Variants in TSHZ2 observed in about 807,000 individuals in gnomAD.
The protein encoded by TSHZ2 is teashirt homolog 2.
Under a neutral mutation model 74.4 loss-of-function variants are expected in TSHZ2, and 21 were observed. The observed-to-expected ratio is 0.28, with a 90% CI of 0.20 to 0.41. The LOEUF (loss-of-function observed/expected upper bound fraction) is 0.41. Ranked by LOEUF, TSHZ2 falls within the 10% of genes least tolerant of loss-of-function variation. The probability of loss-of-function intolerance (pLI) is 1.00; values close to 1 mark genes in which losing one functional copy is unlikely to be tolerated. For missense variants in TSHZ2, 1,244 were observed against 1,293.5 expected (o/e 0.96, Z 0.59); for synonymous variants, 540 against 515.3 (o/e 1.05, Z -0.65).
At chr20:53,332,948 A>T (rs529917704) in intron 2 of TSHZ2, among the ~76,000 whole-genome samples, 5 of 152,160 alleles carry the variant, frequency 3.3e-5, no homozygotes, top group Admixed American at 3.3e-4. Flanking sequence ...ACAGGCCGAG[A>T]TCCTTCCTTC....
rs1415289498 is a variant in TSHZ2, at chr20:53,365,743, A to G, written c.*8+109172A>G. On this transcript the variant is annotated intron_variant, in intron 2 of 2. Transcript: ENST00000371497. ...TTCCCTGCTCTTCTCAGCCAAATCC[A>G]CCCATCTCACTACTTCCAAACCTTG... Among the ~76,000 whole-genome samples, 4 of 152,046 alleles carry G rather than the reference A, an allele frequency of 2.6e-5. No individual in the cohort carries two copies. The East Asian group carries it at 7.7e-4, about 29-fold the overall frequency.
Position 53,254,029 on chromosome 20 carries a change from C to G in TSHZ2, c.571C>G (p.Leu191Val), listed in dbSNP as rs777692951. Residue 191 changes from leucine (L) to valine (V), a missense_variant, in exon 2 of 3, where the codon CTG (leucine) becomes GTG (valine). Leu to Val is a conservative substitution (Grantham distance 32). Coordinates refer to ENST00000371497, the MANE Select transcript of TSHZ2 (RefSeq NM_173485.6). ...TTCTCGGTCCGTCTCGAAACCCAGC[C>G]TGTTCAGCTCGGTGCAGTTGTACCG... Reference protein sequence around the residue: ...LPSRSVSKPSLFSSVQLYRQS... With the variant: ...LPSRSVSKPSVFSSVQLYRQS... The G allele has an allele frequency of 6.2e-7, 1 of 1,614,168 alleles. No homozygotes were observed. Among genetic ancestry groups the G allele is most frequent in the African/African-American group, 1.3e-5 (1 of 75,048 alleles).
chr20:53,462,108 G>C (rs1985394449), intron 2 of TSHZ2, among the ~76,000 whole-genome samples: 1 of 151,994 alleles, frequency 6.6e-6, no homozygotes, highest in South Asian at 2.1e-4. Context: ...AAAAAAACTA[G>C]CAGGGCATGG....
At chr20:53,464,348 C>T (rs778905106) in intron 2 of TSHZ2, among the ~76,000 whole-genome samples, 5 of 152,116 alleles carry the variant, frequency 3.3e-5, no homozygotes, top group African/African-American at 4.8e-5. Context: ...TTTCTGACAA[C>T]GAGCTCTTTA....
chr20:53,079,680 G>A (rs796370184), intron 1 of TSHZ2, among the ~76,000 whole-genome samples: 12 of 152,228 alleles, frequency 7.9e-5, no homozygotes, highest in African/African-American at 2.6e-4. Context: ...GTAATAAAAC[G>A]ATAATAACTC....
intron 1 of TSHZ2, among the ~76,000 whole-genome samples, chr20:53,046,156 G>T (rs568226152): frequency 3.2e-4 from 49 of 152,252 alleles, no homozygotes; most frequent in African/African-American, 1.2e-3. Flanking sequence ...GGCAAGAGGG[G>T]AGACACGAAG....
chr20:53,296,004 G>A (rs1214115288), intron 2 of TSHZ2, among the ~76,000 whole-genome samples: 3 of 142,704 alleles, frequency 2.1e-5, no homozygotes, highest in Non-Finnish European at 3.0e-5. Flanking sequence ...GAAGTTGAAG[G>A]ATTCATTACT....
At chr20:53,104,367 T>C (rs1195625723) in intron 1 of TSHZ2, among the ~76,000 whole-genome samples, 1 of 152,130 alleles carries the variant, frequency 6.6e-6, no homozygotes, top group Non-Finnish European at 1.5e-5. Flanking sequence ...TTAGAGGCCA[T>C]TTAGGCTGCT....
intron 1 of TSHZ2, among the ~76,000 whole-genome samples, chr20:53,243,257 A>G (rs1200006944): frequency 6.6e-6 from 1 of 152,132 alleles, no homozygotes; most frequent in African/African-American, 2.4e-5. Flanking sequence ...CAAGGAGAAG[A>G]ATTTTCGCTT....
intron 2 of TSHZ2, among the ~76,000 whole-genome samples, chr20:53,415,949 C>G (rs11905946): frequency 0.024 from 3,711 of 152,184 alleles, 149 homozygotes; most frequent in African/African-American, 0.084. Flanking sequence ...TAAATAATGC[C>G]TGTGTATAGA....
chr20:53,111,753 A>G (rs1156460644), intron 1 of TSHZ2, among the ~76,000 whole-genome samples: 1 of 152,178 alleles, frequency 6.6e-6, no homozygotes, highest in African/African-American at 2.4e-5. Flanking sequence ...CCAGTGCAAA[A>G]TGGAAATGCA....
At chr20:53,042,997 G>C (rs1984099394) in intron 1 of TSHZ2, among the ~76,000 whole-genome samples, 1 of 152,228 alleles carries the variant, frequency 6.6e-6, no homozygotes, top group Admixed American at 6.5e-5. Flanking sequence ...CAGTGTCACT[G>C]TTTCTTAAAG....
chr20:53,401,774 CTTTT>C (rs59656180), intron 2 of TSHZ2, among the ~76,000 whole-genome samples: 4 of 94,866 alleles, frequency 4.2e-5, no homozygotes, highest in Non-Finnish European at 7.9e-5. Context: ...AACACATTTT[CTTTT>C]TTTTTTTTTT....
intron 1 of TSHZ2, among the ~76,000 whole-genome samples, chr20:53,235,910 C>T (rs1194949336): frequency 6.6e-6 from 1 of 152,178 alleles, no homozygotes; most frequent in Non-Finnish European, 1.5e-5. Flanking sequence ...GATTAGTTCA[C>T]TCCTGATTGG....
intron 2 of TSHZ2, among the ~76,000 whole-genome samples, chr20:53,321,697 A>AAAAAAAAAAAAAAG (rs1555850300): frequency 1.0e-3 from 144 of 140,506 alleles, no homozygotes; most frequent in East Asian, 2.8e-3. Context: ...AAAAAAAAAA[A>AAAAAAAAAAAAAAG]AAAGAAAGAC....
At chr20:52,986,617 TA>T (rs1370621381) in intron 1 of TSHZ2, among the ~76,000 whole-genome samples, 1 of 150,974 alleles carries the variant, frequency 6.6e-6, no homozygotes, top group African/African-American at 2.4e-5. Context: ...TAATCCCAGC[TA>T]CTCCGGAAGC....
chr20:53,190,618 T>C (rs1479121925), intron 1 of TSHZ2, among the ~76,000 whole-genome samples: 3 of 152,218 alleles, frequency 2.0e-5, no homozygotes. Context: ...CGCAGCTTGT[T>C]GTAAGGCAAG....
chr20:53,201,542 T>A (rs1295265188), intron 1 of TSHZ2, among the ~76,000 whole-genome samples: 1 of 152,194 alleles, frequency 6.6e-6, no homozygotes, highest in Admixed American at 6.5e-5. Flanking sequence ...TCCAGGATAA[T>A]CTCTTTATCT....
chr20:53,045,228 C>T (rs766487506), intron 1 of TSHZ2, among the ~76,000 whole-genome samples: 7 of 152,276 alleles, frequency 4.6e-5, no homozygotes, highest in Admixed American at 3.9e-4. Flanking sequence ...AAGAGTACAG[C>T]GGGTCATACG....
Sources: allele counts gnomAD v4.1 joint callset (sites outside exome capture counted in the v4.1 genomes callset), GRCh38; gene constraint gnomAD v4.1.1; transcripts MANE v1.5; gene names NCBI Gene and HGNC (gene_info 2026-07-23, HGNC 2026-07-21).